Variants in USP6NL observed in about 807,000 individuals in gnomAD.
USP6NL encodes the protein USP6 N-terminal-like protein.
USP6NL carries 26 observed loss-of-function variants against 61.9 expected under a neutral mutation model. The observed-to-expected ratio is 0.42, with a 90% CI of 0.31 to 0.58. USP6NL has a LOEUF of 0.58. Among genes scored for constraint, USP6NL ranks in the 20% least tolerant of loss-of-function variants. USP6NL has a pLI of 0.16. For missense variants in USP6NL, 1,114 were observed against 1,034.3 expected (o/e 1.08, Z -1.06); for synonymous variants, 432 against 390.1 (o/e 1.11, Z -1.27).
chr10:11,499,971 G>A lies in USP6NL; in HGVS notation c.384+1130C>T, dbSNP rs1834108214. 6.6e-6 allele frequency among the ~76,000 whole-genome samples: 1 copy of A among 152,118 alleles called. No individual in the cohort carries two copies. The highest frequency in any genetic ancestry group is 1.5e-5 in the Non-Finnish European group (1 of 68,016). ...GCTAGGCACACTGTACTAGGTGCTG[G>A]GGTTATATTTCATATTATGTTCTCT... On this transcript the variant is annotated intron_variant, in intron 7 of 14. Transcript: ENST00000609104. This position sits in a 1 kb window ranked among gnomAD's most constrained non-coding sequence, Gnocchi z 4.5.
At chr10:11,494,608 T>C (rs1833837398) in intron 7 of USP6NL, among the ~76,000 whole-genome samples, 1 of 152,088 alleles carries the variant, frequency 6.6e-6, no homozygotes, top group African/African-American at 2.4e-5. Flanking sequence ...CACTGTTATT[T>C]ATTGGATACA....
intron 4 of USP6NL, among the ~76,000 whole-genome samples, chr10:11,522,246 T>C (rs1432458670): frequency 1.3e-5 from 2 of 152,224 alleles, no homozygotes; most frequent in Admixed American, 6.5e-5. Flanking sequence ...GCAACAAAGG[T>C]TGCAAAGTTA....
intron 10 of USP6NL, among the ~76,000 whole-genome samples, 151 bp from the exon 11 acceptor site, chr10:11,486,062 A>C (rs1833454781): frequency 6.6e-6 from 1 of 152,014 alleles, no homozygotes; most frequent in Non-Finnish European, 1.5e-5. Context: ...CTAGGAAAAA[A>C]CTGTATATAA....
At position 11,493,150 on chromosome 10, in the gene USP6NL, G is replaced by A. The variant is rs1197980255; in HGVS notation, c.463C>T (p.His155Tyr). ...DLDVNRTFRD[H>Y]IMFRDRYGVK... The stretch of plus-strand genomic sequence containing the variant: ...CCATATCTGTCTCTAAACATAATGT[G>A]GTCCCGAAATGTGCGGTTGACATCC... The change falls in exon 8 of 15, where the codon CAC (histidine) becomes TAC (tyrosine). Residue 155 changes from histidine to tyrosine, a missense_variant. Transcript: ENST00000609104. 6.2e-7 allele frequency: 1 copy of A among 1,611,802 alleles called. No homozygotes were observed. The highest frequency in any genetic ancestry group is 1.1e-5 in the South Asian group (1 of 90,312).
chr10:11,599,881 G>A (rs530063604), intron 1 of USP6NL, among the ~76,000 whole-genome samples: 1 of 152,054 alleles, frequency 6.6e-6, no homozygotes, highest in South Asian at 2.1e-4. Flanking sequence ...GGATGGTCTC[G>A]ATCTCCTGAC....
chr10:11,570,057 A>G (rs994892654), intron 2 of USP6NL, among the ~76,000 whole-genome samples: 2 of 152,116 alleles, frequency 1.3e-5, no homozygotes, highest in African/African-American at 2.4e-5. Flanking sequence ...TAAGCTAGCT[A>G]GCTAGCCTTT....
intron 6 of USP6NL, among the ~76,000 whole-genome samples, chr10:11,508,058 A>G (rs113838212): frequency 1.0e-3 from 154 of 152,368 alleles, no homozygotes; most frequent in African/African-American, 3.4e-3. Context: ...ATCTGTATCT[A>G]TACAAAAAGG....
At chr10:11,564,195 C>T (rs1457828321) in intron 2 of USP6NL, 3 of 152,182 alleles carry the variant, frequency 2.0e-5, no homozygotes, top group Non-Finnish European at 4.4e-5. Context: ...AATACTCAAG[C>T]AGCCTTTTGT....
chr10:11,485,324 T>C lies in USP6NL; in HGVS notation c.760-90A>G, dbSNP rs1013890723. The C allele has an allele frequency of 1.3e-5, 13 of 1,030,200 alleles. No individual in the cohort carries two copies. Among genetic ancestry groups the C allele is most frequent in the Non-Finnish European group, 1.8e-5 (13 of 721,836 alleles). The allele number at this position is 1,030,200 out of a possible 1,614,324, so 63.8% of individuals were successfully genotyped here. A position where few individuals can be genotyped will look rare whatever the true frequency, so the allele number is the denominator to read the frequency against. On this transcript the variant is annotated intron_variant, in intron 11 of 14. Transcript: ENST00000609104. This position sits in a 1 kb window ranked among gnomAD's most constrained non-coding sequence, Gnocchi z 4.8. ...AGTTAGGAAGGCTGTTGGATGCAGC[T>C]ATCAAAGCTAAACACATTTACTTCT...
Position 11,611,067 on chromosome 10 carries a change from C to G in USP6NL, c.-84+376G>C, listed in dbSNP as rs1413224049. ...TTAAAGGCACGAAGTTTGCCCGGGTCCTGCCCACTGGGGCTCGGGAGACGC... is the reference window on the plus strand; with the variant it reads ...TTAAAGGCACGAAGTTTGCCCGGGTGCTGCCCACTGGGGCTCGGGAGACGC... On this transcript the variant is annotated intron_variant, in intron 1 of 14. Transcript: ENST00000609104. The surrounding 1 kb of genome is among the most constrained non-coding windows in gnomAD (Gnocchi z 5.3). 6.6e-6 allele frequency among the ~76,000 whole-genome samples: 1 copy of G among 152,178 alleles called. No homozygotes were observed. Among genetic ancestry groups the G allele is most frequent in the Non-Finnish European group, 1.5e-5 (1 of 68,014 alleles).
chr10:11,543,042 A>G (rs1566169619), intron 2 of USP6NL, among the ~76,000 whole-genome samples: 1 of 152,214 alleles, frequency 6.6e-6, no homozygotes, highest in Non-Finnish European at 1.5e-5. Context: ...TAAATAACTT[A>G]GTAAAAATTT....
rs1566126561 is a variant in USP6NL at position 11,485,962 on chromosome 10, C to T, written c.665-51G>A. 4.9e-6 allele frequency: 6 copies of T among 1,234,050 alleles called. No individual in the cohort carries two copies. The highest frequency in any genetic ancestry group is 2.9e-5 in the South Asian group (2 of 68,676). The allele number at this position is 1,234,050 out of a possible 1,614,324, so 76.4% of individuals were successfully genotyped here. A position where few individuals can be genotyped will look rare whatever the true frequency, so the allele number is the denominator to read the frequency against. Reference sequence around the variant, plus strand: ...TTTCATAAACAATACCAACAAAACCCTCCAATCTTAAAACACAACATATTT... The same window carrying T: ...TTTCATAAACAATACCAACAAAACCTTCCAATCTTAAAACACAACATATTT... On this transcript the variant is annotated intron_variant, in intron 10 of 14. Coordinates refer to ENST00000609104, the MANE Select transcript of USP6NL (RefSeq NM_014688.5). The surrounding 1 kb of genome is among the most constrained non-coding windows in gnomAD (Gnocchi z 4.8).
intron 2 of USP6NL, chr10:11,564,552 A>G (rs1312343691): frequency 6.6e-6 from 1 of 152,242 alleles, no homozygotes; most frequent in Admixed American, 6.5e-5. Context: ...ATGATTAATG[A>G]ATTGCAGTCC....
chr10:11,508,510 A>G (rs1834554375), intron 6 of USP6NL, among the ~76,000 whole-genome samples: 1 of 152,244 alleles, frequency 6.6e-6, no homozygotes, highest in East Asian at 1.9e-4. Context: ...TGGTGGTAAA[A>G]CTACCGGCTC....
In USP6NL at chr10:11,490,581, T is replaced by TGGAG. The variant is rs1833670342; in HGVS notation, c.543+247_543+250dup. On this transcript the variant is annotated intron_variant, in intron 9 of 14. Transcript: ENST00000609104. This position sits in a 1 kb window ranked among gnomAD's most constrained non-coding sequence, Gnocchi z 4.5. ...CAAAACATTACAAAGCAAAACAATATGGAGGGAGAGAGAAAAGGTGAGACT... is the reference window on the plus strand; with the variant it reads ...CAAAACATTACAAAGCAAAACAATATGGAGGGAGGGAGAGAGAAAAGGTGAGACT... Among the ~76,000 whole-genome samples the TGGAG allele has an allele frequency of 6.6e-6, 1 of 152,046 alleles. No homozygotes were observed.
intron 2 of USP6NL, chr10:11,563,240 G>A (rs1269532657): frequency 6.6e-6 from 1 of 152,114 alleles, no homozygotes; most frequent in Non-Finnish European, 1.5e-5. Flanking sequence ...TATAGAGATG[G>A]AGAACAAATT....
rs560326392 is a variant in USP6NL, at chr10:11,516,540, G to T, written c.195+1995C>A. Among the ~76,000 whole-genome samples, 15 of 152,214 alleles carry T rather than the reference G, an allele frequency of 9.9e-5. No individual in the cohort carries two copies. In the East Asian group the frequency reaches 2.9e-3, roughly 29 times the overall value. On this transcript the variant is annotated intron_variant, in intron 5 of 14. Transcript: ENST00000609104. ...TAAACTAAGAGGCTTCCAGCCTTAG[G>T]CTGTTTTGCATGTGGCTAAGTTCTC...
At chr10:11,508,386 C>T (rs986178279) in intron 6 of USP6NL, among the ~76,000 whole-genome samples, 1 of 152,154 alleles carries the variant, frequency 6.6e-6, no homozygotes, top group African/African-American at 2.4e-5. Context: ...CAAAATATGG[C>T]CCATGAAACC....
At chr10:11,530,402 C>A (rs1056519728) in intron 2 of USP6NL, among the ~76,000 whole-genome samples, 1 of 152,114 alleles carries the variant, frequency 6.6e-6, no homozygotes, top group Non-Finnish European at 1.5e-5. Context: ...TTGTGGCAAA[C>A]TATAAAATAT....
Sources: allele counts gnomAD v4.1 joint callset (sites outside exome capture counted in the v4.1 genomes callset), GRCh38; gene constraint gnomAD v4.1.1; non-coding constraint Gnocchi (gnomAD v3.1); transcripts MANE v1.5; gene names NCBI Gene and HGNC (gene_info 2026-07-23, HGNC 2026-07-21).